Variants in RALGAPA1 observed in about 807,000 individuals in gnomAD.
RALGAPA1 encodes the protein Ral GTPase activating protein catalytic subunit alpha 1.
Under a neutral mutation model 269.6 loss-of-function variants are expected in RALGAPA1, and 52 were observed. The observed-to-expected ratio is 0.19, with a 90% CI of 0.15 to 0.24. RALGAPA1 has a LOEUF of 0.24. RALGAPA1 is among the 10% of genes least tolerant of loss of function. The pLI is 1.00. For missense variants in RALGAPA1, 1,917 were observed against 3,013.9 expected (o/e 0.64, Z 8.52); for synonymous variants, 817 against 1,008.3 (o/e 0.81, Z 3.60).
At chr14:35,682,567 A>G (rs143747694) in intron 21 of RALGAPA1, among the ~76,000 whole-genome samples, 3,235 of 152,146 alleles carry the variant, frequency 0.021, 123 homozygotes, top group African/African-American at 0.074. Flanking sequence ...CGGCTCCCCA[A>G]AGTGCTGGGA....
chr14:35,721,877 A>G, intron 15 of RALGAPA1, 28 bp from the exon 16 acceptor site: 1 of 1,590,828 alleles, frequency 6.3e-7, no homozygotes, highest in Non-Finnish European at 8.6e-7. Context: ...CAATCTCAAT[A>G]TACTGTTACT....
At chr14:35,667,028 T>G (rs1486709529) in intron 26 of RALGAPA1, among the ~76,000 whole-genome samples, 1 of 152,198 alleles carries the variant, frequency 6.6e-6, no homozygotes, top group African/African-American at 2.4e-5. Flanking sequence ...TAGTTTGTCT[T>G]CCATTAATTT....
At position 35,689,541 on chromosome 14, in the gene RALGAPA1, T is replaced by A. The variant is rs2066299860; in HGVS notation, c.2870A>T (p.Asn957Ile). The change falls in exon 18 of 42, where the codon AAT becomes ATT. Residue 957 changes from asparagine (N) to isoleucine (I), a missense_variant. Physicochemically the swap from Asn to Ile is moderately radical, Grantham distance 149. Transcript: ENST00000680220. ...AGAAGCTGGGTCTTTCCCTGTCTCA[T>A]TTTTACTATGATTTTCCTGGTTTTC... ...FKENQENHSKNETGKDPASQE... is the reference protein window; with the variant it reads ...FKENQENHSKIETGKDPASQE... The A allele has an allele frequency of 2.4e-6, 3 of 1,242,298 alleles. No homozygotes were observed. The East Asian group carries it at 9.4e-5, about 39-fold the overall frequency. The allele number at this position is 1,242,298 out of a possible 1,614,324, so 77.0% of individuals were successfully genotyped here. A position where few individuals can be genotyped will look rare whatever the true frequency, so the allele number is the denominator to read the frequency against.
chr14:35,799,295 C>T (rs1202596614), intron 1 of RALGAPA1, among the ~76,000 whole-genome samples: 1 of 152,166 alleles, frequency 6.6e-6, no homozygotes, highest in Non-Finnish European at 1.5e-5. Context: ...GGCACAGTGG[C>T]TCACCCATGT....
chr14:35,805,516 T>C (rs1258929615), intron 1 of RALGAPA1, among the ~76,000 whole-genome samples: 3 of 151,278 alleles, frequency 2.0e-5, no homozygotes, highest in Non-Finnish European at 4.4e-5. Context: ...TATAATCCCA[T>C]TTATATAAAA....
intron 28 of RALGAPA1, 130 bp downstream of exon 28, chr14:35,659,008 G>T: frequency 2.1e-6 from 1 of 477,726 alleles, no homozygotes; most frequent in Non-Finnish European, 3.6e-6. Context: ...AATTATTCAA[G>T]TAACTTAAAA....
At chr14:35,669,323 C>T (rs558753531) in intron 26 of RALGAPA1, among the ~76,000 whole-genome samples, 4 of 152,150 alleles carry the variant, frequency 2.6e-5, no homozygotes, top group East Asian at 1.9e-4. Flanking sequence ...GGTGCGATCT[C>T]GGCTCACTGC....
intron 17 of RALGAPA1, among the ~76,000 whole-genome samples, chr14:35,699,023 C>T (rs1193314615): frequency 1.4e-4 from 22 of 152,038 alleles, no homozygotes; most frequent in Admixed American, 1.4e-3. Context: ...ATTCAGGTTG[C>T]CTAATTTCAC....
intron 33 of RALGAPA1, among the ~76,000 whole-genome samples, chr14:35,632,783 G>C (rs977613256): frequency 6.6e-6 from 1 of 152,074 alleles, no homozygotes; most frequent in Non-Finnish European, 1.5e-5. Context: ...GCTTATTAGG[G>C]ACACTCAATG....
At chr14:35,741,336 G>T (rs563095348) in intron 11 of RALGAPA1, among the ~76,000 whole-genome samples, 2 of 152,078 alleles carry the variant, frequency 1.3e-5, no homozygotes, top group East Asian at 1.9e-4. Flanking sequence ...TAAGAATTAG[G>T]ACTGTAGATA....
chr14:35,796,152 A>G (rs796227129), intron 1 of RALGAPA1, among the ~76,000 whole-genome samples: 1 of 152,332 alleles, frequency 6.6e-6, no homozygotes, highest in African/African-American at 2.4e-5. Flanking sequence ...TTTTAGCTGT[A>G]TTCCATATGT....
Position 35,625,358 on chromosome 14 carries a change from T to TA in RALGAPA1, c.6929+2dup, listed in dbSNP as rs1275432166. The TA allele has an allele frequency of 6.2e-7, 1 of 1,605,544 alleles. No homozygotes were observed. The highest frequency in any genetic ancestry group is 1.3e-5 in the African/African-American group (1 of 74,452). On this transcript the variant is annotated splice_region_variant and intron_variant, in intron 35 of 41. Transcript: ENST00000680220. Reference sequence around the variant, plus strand: ...GTTATGTGAAGATTTTCCAACAACTTACCACTGCCTTGAATCCAAGTTCCT... The same window carrying TA: ...GTTATGTGAAGATTTTCCAACAACTTAACCACTGCCTTGAATCCAAGTTCCT...
intron 1 of RALGAPA1, among the ~76,000 whole-genome samples, chr14:35,779,346 TG>T: frequency 6.6e-6 from 1 of 152,026 alleles, no homozygotes; most frequent in African/African-American, 2.4e-5. Flanking sequence ...GGCAACACAT[TG>T]AGATTCCATT....
chr14:35,614,893 T>A (rs1189495647), intron 35 of RALGAPA1, among the ~76,000 whole-genome samples: 1 of 151,976 alleles, frequency 6.6e-6, no homozygotes, highest in Non-Finnish European at 1.5e-5. Flanking sequence ...TAATACTATA[T>A]AAATTTAAAA....
At chr14:35,753,406 T>C (rs1240995159) in intron 7 of RALGAPA1, among the ~76,000 whole-genome samples, 2 of 152,154 alleles carry the variant, frequency 1.3e-5, no homozygotes, top group Non-Finnish European at 2.9e-5. Context: ...ATGGAATTAA[T>C]ATCACCAGTT....
At chr14:35,757,110 ATTATTATTATTTTT>A (rs1283228170) in intron 6 of RALGAPA1, among the ~76,000 whole-genome samples, 1 of 134,308 alleles carries the variant, frequency 7.4e-6, no homozygotes, top group East Asian at 2.6e-4. Context: ...ATTTATTATT[ATTATTATTATTTTT>A]TTTTTTTTTT....
chr14:35,728,264 G>C, intron 13 of RALGAPA1, 98 bp downstream of exon 13: 1 of 1,158,080 alleles, frequency 8.6e-7, no homozygotes, highest in Non-Finnish European at 1.1e-6. Context: ...CTATAATACT[G>C]TAAACAAACC....
chr14:35,661,155 C>T (rs2063515687), intron 27 of RALGAPA1, among the ~76,000 whole-genome samples: 1 of 152,016 alleles, frequency 6.6e-6, no homozygotes. Context: ...AAAAAGATAG[C>T]CATGTGAGGT....
intron 30 of RALGAPA1, 59 bp from the exon 31 acceptor site, chr14:35,651,932 C>A: frequency 7.2e-7 from 1 of 1,397,926 alleles, no homozygotes; most frequent in South Asian, 1.4e-5. Flanking sequence ...ATGGTACATC[C>A]TAAAACTTGA....
Sources: allele counts gnomAD v4.1 joint callset (sites outside exome capture counted in the v4.1 genomes callset), GRCh38; gene constraint gnomAD v4.1.1; transcripts MANE v1.5; gene names NCBI Gene and HGNC (gene_info 2026-07-23, HGNC 2026-07-21).